The following USP40 variants were observed in gnomAD, a reference collection of about 807,000 sequenced individuals.
USP40 encodes ubiquitin specific peptidase 40.
USP40 carries 143 observed loss-of-function variants against 166.2 expected under a neutral mutation model. The ratio of observed to expected loss-of-function variants is 0.86; its 90% CI spans 0.75 to 0.99. The LOEUF is 0.99. USP40 is among the 50% of genes least tolerant of loss of function. The probability of loss-of-function intolerance (pLI) is 0.00; values close to 1 mark genes in which losing one functional copy is unlikely to be tolerated. For missense variants in USP40, 1,444 were observed against 1,479.7 expected (o/e 0.98, Z 0.40); for synonymous variants, 498 against 524.0 (o/e 0.95, Z 0.68).
In USP40 at chr2:233,488,309, T is replaced by TA. The variant is rs1232767684; in HGVS notation, c.3132-6dup. 1.9e-6 allele frequency: 3 copies of TA among 1,590,930 alleles called. No homozygotes were observed. The highest frequency in any genetic ancestry group is 1.8e-5 in the Admixed American group (1 of 56,844). On this transcript the variant is annotated splice_region_variant and splice_polypyrimidine_tract_variant and intron_variant, in intron 27 of 31. Coordinates refer to ENST00000678225, the MANE Select transcript of USP40 (RefSeq NM_001365479.2). ...CTCCGTCCTAGTTTATATTCCCTGA[T>TA]AATAAGTGAAACAAGATAATATTGA...
intron 7 of USP40, 145 bp from the exon 8 acceptor site, chr2:233,549,374 CTTTAAA>C (rs1167029318): frequency 1.7e-6 from 1 of 597,694 alleles, no homozygotes; most frequent in Non-Finnish European, 2.7e-6. Context: ...AAGTAATTGG[CTTTAAA>C]TTTAAAATTT....
chr2:233,526,282 C>T (rs140733419), intron 13 of USP40, among the ~76,000 whole-genome samples: 222 of 152,284 alleles, frequency 1.5e-3, no homozygotes, highest in Non-Finnish European at 2.5e-3. Context: ...ACTTAAAACA[C>T]CAAAACACAC....
chr2:233,519,227 G>A (rs1309096138), intron 18 of USP40, among the ~76,000 whole-genome samples: 4 of 152,184 alleles, frequency 2.6e-5, no homozygotes, highest in Non-Finnish European at 4.4e-5. Context: ...CACTTAAACT[G>A]AGTGAATTTT....
intron 11 of USP40, among the ~76,000 whole-genome samples, chr2:233,532,092 C>A (rs1226826332): frequency 6.6e-6 from 1 of 152,192 alleles, no homozygotes; most frequent in Non-Finnish European, 1.5e-5. Flanking sequence ...GTGGAGTCTT[C>A]GTTTGCAACT....
At position 233,510,076 on chromosome 2, in the gene USP40, T is replaced by C. The variant is rs1347101308; in HGVS notation, c.2586A>G (p.Val862=). Residue 862 remains valine (V), a synonymous_variant, in exon 21 of 32, where the codon GTA becomes GTG. Transcript: ENST00000678225. ...DVQPGTEMEI[V]VEETISVRDC... ...CTCTCACAGATATTGTTTCTTCTAC[T>C]ACGATTTCCATTTCTGTCCCAGGTT... 2 of 1,599,392 alleles carry C rather than the reference T, an allele frequency of 1.3e-6. No individual in the cohort carries two copies. Among genetic ancestry groups the C allele is most frequent in the Non-Finnish European group, 1.7e-6 (2 of 1,172,246 alleles).
chr2:233,540,713 T>C lies in USP40; in HGVS notation c.1119A>G (p.Ile373Met). ...DQLGQKLLKK[I>M]GISWNKKYRK... ...TGTACTTCTTGTTCCAAGATATTCCTATCTTTTTCAAAAGTTTCTGGCCCA... is the reference window on the plus strand; with the variant it reads ...TGTACTTCTTGTTCCAAGATATTCCCATCTTTTTCAAAAGTTTCTGGCCCA... Residue 373 changes from isoleucine to methionine, a missense_variant, in exon 10 of 32, where the codon ATA becomes ATG. Physicochemically the swap from Ile to Met is conservative, Grantham distance 10. Coordinates refer to ENST00000678225, the MANE Select transcript of USP40 (RefSeq NM_001365479.2). The C allele has an allele frequency of 6.2e-7, 1 of 1,613,590 alleles. No individual in the cohort carries two copies. The highest frequency in any genetic ancestry group is 8.5e-7 in the Non-Finnish European group (1 of 1,179,640).
chr2:233,548,347 G>A (rs1422462080), intron 8 of USP40, among the ~76,000 whole-genome samples: 3 of 152,014 alleles, frequency 2.0e-5, no homozygotes, highest in African/African-American at 7.2e-5. Context: ...TACAGACACG[G>A]GATTTATTGT....
chr2:233,557,227 G>A (rs1009643334), intron 4 of USP40, among the ~76,000 whole-genome samples: 6 of 152,168 alleles, frequency 3.9e-5, no homozygotes, highest in African/African-American at 1.4e-4. Context: ...AACAGGCTGG[G>A]TTCAGTGTGT....
At chr2:233,562,946 C>T in intron 2 of USP40, 143 bp from the exon 3 acceptor site, 3 of 480,606 alleles carry the variant, frequency 6.2e-6, no homozygotes, top group East Asian at 3.9e-5. Flanking sequence ...ACTCTATACA[C>T]TTTACTTTCT....
chr2:233,506,841 G>C (rs1429895215), intron 21 of USP40, among the ~76,000 whole-genome samples: 1 of 151,822 alleles, frequency 6.6e-6, no homozygotes, highest in Non-Finnish European at 1.5e-5. Flanking sequence ...AGCCCTGGGG[G>C]TGGAGGTTGC....
rs6759761 is a variant in USP40 at position 233,547,367 on chromosome 2, T to C, written c.966+1734A>G. On this transcript the variant is annotated intron_variant, in intron 8 of 31. Coordinates refer to ENST00000678225, the MANE Select transcript of USP40 (RefSeq NM_001365479.2). The stretch of plus-strand genomic sequence containing the variant: ...ATATCCAAACTTTACAGAACATGTA[T>C]CTCTCAATACGTTCCAAATACAACT... Among the ~76,000 whole-genome samples, 1,072 of 152,286 alleles carry C rather than the reference T, an allele frequency of 7.0e-3. 14 individuals carry two copies. Among genetic ancestry groups the C allele is most frequent in the African/African-American group, 0.025 (1,029 of 41,542 alleles).
intron 3 of USP40, among the ~76,000 whole-genome samples, chr2:233,562,500 G>A (rs545848455): frequency 6.7e-6 from 1 of 149,938 alleles, no homozygotes; most frequent in South Asian, 2.1e-4. Context: ...TCACTCGTAG[G>A]TGGGAATTGA....
At chr2:233,525,168 C>A (rs1174403538) in intron 14 of USP40, among the ~76,000 whole-genome samples, 1 of 152,166 alleles carries the variant, frequency 6.6e-6, no homozygotes, top group Non-Finnish European at 1.5e-5. Flanking sequence ...TGGTTTGAAA[C>A]TATGTTGTTC....
chr2:233,538,473 T>C (rs1575314784), intron 10 of USP40, among the ~76,000 whole-genome samples: 1 of 152,220 alleles, frequency 6.6e-6, no homozygotes, highest in Non-Finnish European at 1.5e-5. Flanking sequence ...AAATTATCAA[T>C]ATCAGAAATG....
At chr2:233,481,166 C>CT in intron 31 of USP40, 37 bp downstream of exon 31, 1 of 1,548,012 alleles carries the variant, frequency 6.5e-7, no homozygotes. Flanking sequence ...AGAGAGGGCT[C>CT]TGTCAGCTGC....
At chr2:233,481,407 T>C in intron 30 of USP40, 110 bp from the exon 31 acceptor site, 1 of 949,816 alleles carries the variant, frequency 1.1e-6, no homozygotes, top group Non-Finnish European at 1.6e-6. Flanking sequence ...CAGATTCAAA[T>C]TTACATAAAC....
chr2:233,511,716 G>A lies in USP40; in HGVS notation c.2519C>T (p.Ser840Leu), dbSNP rs762223651. The A allele has an allele frequency of 8.1e-6, 13 of 1,609,840 alleles. No homozygotes were observed. The highest frequency in any genetic ancestry group is 3.3e-5 in the South Asian group (3 of 89,824). Residue 840 changes from serine (S) to leucine (L), a missense_variant, in exon 20 of 32, where the codon TCG (serine) becomes TTG (leucine). Ser to Leu is a moderately radical substitution (Grantham distance 145). Coordinates refer to ENST00000678225, the MANE Select transcript of USP40 (RefSeq NM_001365479.2). ...LGLCLGKAPS[S>L]SQLFLFFAMG... ...CAGGTGACCTTATTTTACCTGAGAC[G>A]AACTTGGTGCTTTTCCAAGACACAG...
At chr2:233,524,854 A>G (rs1161362312) in intron 14 of USP40, among the ~76,000 whole-genome samples, 1 of 151,994 alleles carries the variant, frequency 6.6e-6, no homozygotes, top group African/African-American at 2.4e-5. Context: ...AATGGTCCCA[A>G]CTCCACCGAT....
At chr2:233,498,362 C>T (rs769519889) in intron 23 of USP40, among the ~76,000 whole-genome samples, 186 bp downstream of exon 23, 1 of 152,306 alleles carries the variant, frequency 6.6e-6, no homozygotes, top group South Asian at 2.1e-4. Context: ...GAAATGTTCC[C>T]ACTGCACTGT....
Sources: allele counts gnomAD v4.1 joint callset (sites outside exome capture counted in the v4.1 genomes callset), GRCh38; gene constraint gnomAD v4.1.1; transcripts MANE v1.5; gene names NCBI Gene and HGNC (gene_info 2026-07-23, HGNC 2026-07-21).